MACROD2: variants seen among roughly 807,000 people sequenced by gnomAD.
MACROD2 encodes ADP-ribose glycohydrolase MACROD2.
MACROD2 carries 36 observed loss-of-function variants against 70.4 expected under a neutral mutation model. The ratio of observed to expected loss-of-function variants is 0.51; its 90% CI spans 0.39 to 0.68. MACROD2 has a LOEUF of 0.68. Among genes scored for constraint, MACROD2 ranks in the 30% least tolerant of loss-of-function variants. The pLI is 0.00. For synonymous variants in MACROD2, 172 were observed against 178.8 expected (o/e 0.96, Z 0.30); for missense variants, 496 against 538.4 (o/e 0.92, Z 0.78).
At chr20:14,540,199 T>A (rs1019882182) in intron 4 of MACROD2, among the ~76,000 whole-genome samples, 3 of 152,204 alleles carry the variant, frequency 2.0e-5, no homozygotes, top group African/African-American at 7.2e-5. Flanking sequence ...CATCTTTATG[T>A]TGCCCTTGTT....
At chr20:15,134,359 C>T (rs2076130116) in intron 5 of MACROD2, among the ~76,000 whole-genome samples, 2 of 151,526 alleles carry the variant, frequency 1.3e-5, no homozygotes, top group African/African-American at 4.8e-5. Flanking sequence ...GAAATTATAA[C>T]AAACTGTCTC....
intron 13 of MACROD2, among the ~76,000 whole-genome samples, chr20:15,982,250 A>G (rs1427728299): frequency 2.0e-5 from 3 of 152,132 alleles, no homozygotes; most frequent in African/African-American, 7.2e-5. Flanking sequence ...GCTGAGTGTT[A>G]TTGTACAAAC....
intron 8 of MACROD2, among the ~76,000 whole-genome samples, chr20:15,845,248 G>A (rs776163498): frequency 3.3e-5 from 5 of 152,112 alleles, no homozygotes; most frequent in Admixed American, 2.0e-4. Context: ...AAGATCACCT[G>A]AAGAATCTCT....
intron 5 of MACROD2, among the ~76,000 whole-genome samples, chr20:14,785,037 A>G (rs1294193920): frequency 6.6e-6 from 1 of 152,064 alleles, no homozygotes; most frequent in Non-Finnish European, 1.5e-5. Context: ...TTTCTCCTTA[A>G]AAAAAGACAG....
rs902359221 is a variant in MACROD2, at chr20:14,035,853, TAGAC to T, written c.163+33452_163+33455del. Among the ~76,000 whole-genome samples the T allele has an allele frequency of 1.8e-4, 27 of 152,248 alleles. 1 individual carries two copies. The highest frequency in any genetic ancestry group is 1.2e-3 in the South Asian group (6 of 4,822). ...CCATGTTTGAAATATACCATTAAGA[TAGAC>T]AGCGGCTGGGCGCGGTGGCTGACGC... On this transcript the variant is annotated intron_variant, in intron 2 of 17. Coordinates refer to ENST00000684519, the MANE Select transcript of MACROD2 (RefSeq NM_001351661.2).
At chr20:14,895,304 G>C (rs1466941763) in intron 5 of MACROD2, 2 of 152,146 alleles carry the variant, frequency 1.3e-5, no homozygotes, top group Admixed American at 6.5e-5. Context: ...GAGCTCTATG[G>C]CCTGAGTTAT....
chr20:15,729,253 G>A (rs1298457465), intron 8 of MACROD2, among the ~76,000 whole-genome samples: 2 of 152,128 alleles, frequency 1.3e-5, no homozygotes, highest in Non-Finnish European at 2.9e-5. Context: ...CCAAGAGTGT[G>A]TTTGGTATGA....
chr20:14,533,995 T>C (rs965497159), intron 4 of MACROD2, among the ~76,000 whole-genome samples: 3 of 152,256 alleles, frequency 2.0e-5, no homozygotes, highest in Non-Finnish European at 4.4e-5. Context: ...ATCCCTGTAA[T>C]ATTTAGTTCT....
At chr20:15,802,674 A>G (rs1017337248) in intron 8 of MACROD2, among the ~76,000 whole-genome samples, 16 of 152,184 alleles carry the variant, frequency 1.1e-4, no homozygotes, top group African/African-American at 3.6e-4. Flanking sequence ...AGGTCCGAGC[A>G]CAACTAACTG....
chr20:15,685,910 C>T (rs2050218634), intron 8 of MACROD2, among the ~76,000 whole-genome samples: 1 of 152,176 alleles, frequency 6.6e-6, no homozygotes, highest in Non-Finnish European at 1.5e-5. Flanking sequence ...TTGATTTCCT[C>T]CTATAGACTG....
intron 6 of MACROD2, among the ~76,000 whole-genome samples, chr20:15,404,843 T>G (rs2045977010): frequency 6.6e-6 from 1 of 152,146 alleles, no homozygotes; most frequent in Admixed American, 6.5e-5. Context: ...GAGTTCAGAA[T>G]CCACCTCCAA....
chr20:15,546,789 C>T (rs924036925), intron 8 of MACROD2, among the ~76,000 whole-genome samples: 6 of 152,134 alleles, frequency 3.9e-5, no homozygotes, highest in African/African-American at 1.4e-4. Context: ...GGTAATGTCA[C>T]TATTTTACCA....
chr20:15,229,833 G>A, intron 5 of MACROD2, 107 bp from the exon 6 acceptor site: 1 of 1,171,932 alleles, frequency 8.5e-7, no homozygotes, highest in Non-Finnish European at 1.1e-6. Context: ...TAGCTTGCTT[G>A]TCTCCAGGCT....
intron 12 of MACROD2, among the ~76,000 whole-genome samples, chr20:15,946,917 C>T (rs2065831429): frequency 6.6e-6 from 1 of 152,018 alleles, no homozygotes; most frequent in Non-Finnish European, 1.5e-5. Flanking sequence ...AGAAGGTCAG[C>T]AAGAAAACAC....
At chr20:15,781,288 C>CA (rs1387636124) in intron 8 of MACROD2, among the ~76,000 whole-genome samples, 17 of 152,286 alleles carry the variant, frequency 1.1e-4, no homozygotes, top group African/African-American at 4.1e-4. Flanking sequence ...GGCAGACTTA[C>CA]AAACAGACTG....
chr20:14,683,869 T>C (rs1048978276), intron 4 of MACROD2, among the ~76,000 whole-genome samples: 4 of 152,092 alleles, frequency 2.6e-5, no homozygotes, highest in African/African-American at 9.7e-5. Flanking sequence ...TTGCTTTTTT[T>C]TTCTATCCAA....
chr20:15,383,795 A>G (rs1247625013), intron 6 of MACROD2, among the ~76,000 whole-genome samples: 1 of 152,160 alleles, frequency 6.6e-6, no homozygotes, highest in African/African-American at 2.4e-5. Context: ...CAAGTCATTT[A>G]TCTATTTGTC....
intron 6 of MACROD2, among the ~76,000 whole-genome samples, chr20:15,409,453 T>C (rs372492331): frequency 7.9e-5 from 12 of 152,290 alleles, no homozygotes; most frequent in African/African-American, 2.4e-4. Flanking sequence ...AAAAAAGCAA[T>C]ACGAGAAAGG....
At chr20:15,916,545 C>A (rs1568638127) in intron 10 of MACROD2, among the ~76,000 whole-genome samples, 1 of 152,238 alleles carries the variant, frequency 6.6e-6, no homozygotes, top group Non-Finnish European at 1.5e-5. Flanking sequence ...TCATCCCAAA[C>A]AGCATTCTCT....
Sources: allele counts gnomAD v4.1 joint callset (sites outside exome capture counted in the v4.1 genomes callset), GRCh38; gene constraint gnomAD v4.1.1; transcripts MANE v1.5; gene names NCBI Gene and HGNC (gene_info 2026-07-23, HGNC 2026-07-21).